Variants in NCAM2 observed in about 807,000 individuals in gnomAD.
NCAM2 encodes N-CAM-2.
Under a neutral mutation model 98.1 loss-of-function variants are expected in NCAM2, and 30 were observed. That is an observed-to-expected ratio of 0.31 (90% CI 0.23 to 0.41). NCAM2 has a LOEUF of 0.41. NCAM2 is among the 10% of genes least tolerant of loss of function. The pLI is 1.00. For synonymous variants in NCAM2, 368 were observed against 342.4 expected, an observed-to-expected ratio of 1.07 and a Z score of -0.83; for missense variants, 867 against 1,005.8, an observed-to-expected ratio of 0.86 and a Z score of 1.87.
chr21:21,074,855 A>G (rs943198022), intron 1 of NCAM2, among the ~76,000 whole-genome samples: 1 of 152,104 alleles, frequency 6.6e-6, no homozygotes, highest in Admixed American at 6.6e-5. Context: ...TATGTGTGTG[A>G]AACTCTTCAT....
chr21:21,172,389 G>C (rs765788663), intron 1 of NCAM2, among the ~76,000 whole-genome samples: 3 of 152,020 alleles, frequency 2.0e-5, no homozygotes, highest in Non-Finnish European at 4.4e-5. Flanking sequence ...TTTGAATCAT[G>C]AGGAGATTTT....
At chr21:21,501,727 C>G (rs1423085444) in intron 15 of NCAM2, among the ~76,000 whole-genome samples, 1 of 151,546 alleles carries the variant, frequency 6.6e-6, no homozygotes, top group East Asian at 1.9e-4. Flanking sequence ...CAGAAAGATG[C>G]CTACTCCACC....
chr21:21,154,814 A>G (rs182088467), intron 1 of NCAM2, among the ~76,000 whole-genome samples: 2 of 152,014 alleles, frequency 1.3e-5, no homozygotes, highest in East Asian at 1.9e-4. Context: ...AGGGTATAAA[A>G]ATAGAAGGTC....
At chr21:21,228,208 A>G (rs1839651638) in intron 1 of NCAM2, among the ~76,000 whole-genome samples, 1 of 151,696 alleles carries the variant, frequency 6.6e-6, no homozygotes, top group Non-Finnish European at 1.5e-5. Flanking sequence ...TATTTTAACA[A>G]AGACATTGGT....
At position 21,324,416 on chromosome 21, in the gene NCAM2, T is replaced by C. The variant is rs2147796377; in HGVS notation, c.653T>C (p.Phe218Ser). 6.2e-7 allele frequency: 1 copy of C among 1,613,764 alleles called. No homozygotes were observed. The highest frequency in any genetic ancestry group is 2.2e-5 in the East Asian group (1 of 44,848). ...PPAISMPQKS[F>S]NATAERGEEM... Reference sequence around the variant, plus strand: ...GCAATCTCAATGCCTCAGAAATCTTTTAATGCCACAGCAGAGAGAGGAGAA... The same window carrying C: ...GCAATCTCAATGCCTCAGAAATCTTCTAATGCCACAGCAGAGAGAGGAGAA... The change falls in exon 6 of 18, where the codon TTT becomes TCT. Residue 218 changes from phenylalanine (F) to serine (S), a missense_variant. Physicochemically the swap from Phe to Ser is radical, Grantham distance 155. Around this residue, in one of 5 missense-constraint regions of NCAM2, gnomAD observed 447 missense variants for 495.7 expected, o/e 0.90. Transcript: ENST00000400546.
At chr21:21,026,347 A>G (rs776404696) in intron 1 of NCAM2, among the ~76,000 whole-genome samples, 2 of 152,254 alleles carry the variant, frequency 1.3e-5, no homozygotes, top group Non-Finnish European at 2.9e-5. Context: ...GATTATCTCC[A>G]TGAAAACTTA....
intron 12 of NCAM2, among the ~76,000 whole-genome samples, chr21:21,458,280 C>T (rs966471428): frequency 6.6e-6 from 1 of 152,232 alleles, no homozygotes; most frequent in African/African-American, 2.4e-5. Flanking sequence ...GGTCATGTTC[C>T]TGTGGAACCA....
At chr21:21,131,152 T>C (rs182482184) in intron 1 of NCAM2, among the ~76,000 whole-genome samples, 3 of 152,242 alleles carry the variant, frequency 2.0e-5, no homozygotes, top group Admixed American at 1.3e-4. Context: ...ACAGCTAATA[T>C]AGACATTTCT....
intron 12 of NCAM2, among the ~76,000 whole-genome samples, chr21:21,454,689 CAT>C (rs1383277315): frequency 6.6e-6 from 1 of 151,914 alleles, no homozygotes. Context: ...GGTTAAAAAA[CAT>C]ATTCAAGATA....
intron 1 of NCAM2, among the ~76,000 whole-genome samples, chr21:21,014,004 C>G (rs2146150220): frequency 6.6e-6 from 1 of 152,266 alleles, no homozygotes; most frequent in South Asian, 2.1e-4. Context: ...ATGATACTAT[C>G]TAGAAGTTTC....
intron 12 of NCAM2, among the ~76,000 whole-genome samples, chr21:21,463,330 A>G (rs1339121300): frequency 6.6e-6 from 1 of 152,098 alleles, no homozygotes; most frequent in Non-Finnish European, 1.5e-5. Context: ...TCTATTTCAC[A>G]CAATAATCTT....
chr21:21,365,503 T>C (rs898397003), intron 8 of NCAM2, among the ~76,000 whole-genome samples: 14 of 151,710 alleles, frequency 9.2e-5, no homozygotes, highest in African/African-American at 3.4e-4. Context: ...TCAGTTACAA[T>C]GTCTGGCATA....
At chr21:21,117,432 C>G (rs2066586834) in intron 1 of NCAM2, among the ~76,000 whole-genome samples, 1 of 152,140 alleles carries the variant, frequency 6.6e-6, no homozygotes, top group African/African-American at 2.4e-5. Context: ...TCTGCACCTC[C>G]TTGTTTATTG....
chr21:21,280,633 T>G lies in NCAM2; in HGVS notation c.111T>G (p.Ser37=). The change falls in exon 2 of 18, where the codon TCT becomes TCG. Residue 37 remains serine, a synonymous_variant. Transcript: ENST00000400546. ...AAGTAGAGCTTAGTGTTGGAGAATC[T>G]AAATTCTTCACATGTACAGGTACGT... ...LSKVELSVGE[S]KFFTCTAIGE... 1 of 1,595,576 alleles carries G rather than the reference T, an allele frequency of 6.3e-7. No individual in the cohort carries two copies. The highest frequency in any genetic ancestry group is 8.5e-7 in the Non-Finnish European group (1 of 1,171,236).
chr21:21,477,477 C>T lies in NCAM2; in HGVS notation c.2077+6C>T, dbSNP rs781008046. 1.9e-6 allele frequency: 3 copies of T among 1,576,662 alleles called. No individual in the cohort carries two copies. Among genetic ancestry groups the T allele is most frequent in the Non-Finnish European group, 2.6e-6 (3 of 1,156,792 alleles). On this transcript the variant is annotated splice_donor_region_variant and intron_variant, in intron 15 of 17. Transcript: ENST00000400546. The stretch of plus-strand genomic sequence containing the variant: ...AAAGCCCAACATTATTAAAGGTAAG[C>T]AAAACTATATTCTTTTTTAGACTGA...
At chr21:21,022,730 T>A (rs1423619230) in intron 1 of NCAM2, among the ~76,000 whole-genome samples, 1 of 152,092 alleles carries the variant, frequency 6.6e-6, no homozygotes, top group Non-Finnish European at 1.5e-5. Flanking sequence ...TAATAATGAG[T>A]TTTTTTAATG....
intron 5 of NCAM2, among the ~76,000 whole-genome samples, chr21:21,317,719 G>A (rs929424693): frequency 1.3e-5 from 2 of 151,696 alleles, no homozygotes; most frequent in Non-Finnish European, 2.9e-5. Context: ...TTTTTTTGTA[G>A]CGACAGGCTC....
intron 9 of NCAM2, among the ~76,000 whole-genome samples, chr21:21,409,487 G>A (rs232456): frequency 0.4 from 60,198 of 151,964 alleles, 12,470 homozygotes; most frequent in East Asian, 0.58. Context: ...TGCCATTCCA[G>A]CTTAGATTTC....
At chr21:21,312,506 A>G (rs2074087515) in intron 5 of NCAM2, among the ~76,000 whole-genome samples, 1 of 151,610 alleles carries the variant, frequency 6.6e-6, no homozygotes, top group Non-Finnish European at 1.5e-5. Context: ...AATCTATCCA[A>G]CCTAACACTT....
Sources: allele counts gnomAD v4.1 joint callset (sites outside exome capture counted in the v4.1 genomes callset), GRCh38; gene constraint gnomAD v4.1.1; regional missense constraint gnomAD v4.1.1; transcripts MANE v1.5; gene names NCBI Gene and HGNC (gene_info 2026-07-23, HGNC 2026-07-21).